Variants in CSMD1 observed in about 807,000 individuals in gnomAD.
CSMD1 encodes the protein CUB and sushi domain-containing protein 1.
CSMD1 carries 213 observed loss-of-function variants against 417.5 expected under a neutral mutation model. That is an observed-to-expected ratio of 0.51 (90% CI 0.46 to 0.57). The LOEUF is 0.57. Ranked by LOEUF, CSMD1 falls within the 20% of genes least tolerant of loss-of-function variation. The pLI is 0.00. For missense variants in CSMD1, 6,923 were observed against 4,529.7 expected, an observed-to-expected ratio of 1.53 and a Z score of -15.17; for synonymous variants, 2,862 against 1,736.8, an observed-to-expected ratio of 1.65 and a Z score of -16.11.
At chr8:4,193,032 T>C (rs1045476302) in intron 3 of CSMD1, among the ~76,000 whole-genome samples, 1 of 152,230 alleles carries the variant, frequency 6.6e-6, no homozygotes, top group African/African-American at 2.4e-5. Context: ...TCTTGGAATA[T>C]CTTAAGTTAA....
intron 3 of CSMD1, among the ~76,000 whole-genome samples, chr8:4,364,487 G>C (rs916801085): frequency 1.3e-5 from 2 of 152,068 alleles, no homozygotes; most frequent in African/African-American, 2.4e-5. Flanking sequence ...TTCCTCTCTT[G>C]CTTTCTAGAA....
At chr8:3,770,270 G>A (rs189137940) in intron 5 of CSMD1, among the ~76,000 whole-genome samples, 1 of 152,168 alleles carries the variant, frequency 6.6e-6, no homozygotes, top group African/African-American at 2.4e-5. Flanking sequence ...TCTCATGCCT[G>A]TAATCCCAAC....
chr8:3,359,168 A>C lies in CSMD1; in HGVS notation c.3288T>G (p.Pro1096=). Reference sequence around the variant, plus strand: ...ACCACCTACCCACACACCTTGGCAGAGGTGCACTCCACACACGGCGGCCCC... The same window carrying C: ...ACCACCTACCCACACACCTTGGCAGCGGTGCACTCCACACACGGCGGCCCC... ...LGGGRRVWSA[P]LPRCVAECGA... The change falls in exon 21 of 70, where the codon CCT becomes CCG. Residue 1096 remains proline (P), a synonymous_variant. Coordinates refer to ENST00000635120, the MANE Select transcript of CSMD1 (RefSeq NM_033225.6). 2 of 1,614,032 alleles carry C rather than the reference A, an allele frequency of 1.2e-6. No homozygotes were observed. Among genetic ancestry groups the C allele is most frequent in the Non-Finnish European group, 8.5e-7 (1 of 1,179,946 alleles).
chr8:4,545,062 A>T (rs1797570897), intron 2 of CSMD1, among the ~76,000 whole-genome samples: 1 of 152,208 alleles, frequency 6.6e-6, no homozygotes, highest in South Asian at 2.1e-4. Context: ...GTGTGTGTGC[A>T]CACATATGTG....
At chr8:4,692,625 G>T (rs77483726) in intron 1 of CSMD1, among the ~76,000 whole-genome samples, 4 of 152,162 alleles carry the variant, frequency 2.6e-5, no homozygotes, top group Non-Finnish European at 5.9e-5. Flanking sequence ...TGTGGGGTCC[G>T]TGAGGCTGCA....
intron 5 of CSMD1, among the ~76,000 whole-genome samples, chr8:3,877,128 G>A (rs767426044): frequency 7.2e-5 from 11 of 152,148 alleles, no homozygotes; most frequent in Non-Finnish European, 7.4e-5. Flanking sequence ...TGAAGCAGGC[G>A]AATTTTGCAC....
At chr8:4,230,326 T>C (rs779877695) in intron 3 of CSMD1, among the ~76,000 whole-genome samples, 7 of 152,310 alleles carry the variant, frequency 4.6e-5, no homozygotes, top group South Asian at 4.1e-4. Flanking sequence ...AATTAATCCA[T>C]CCATTGCATA....
In CSMD1 at chr8:3,236,008, T is replaced by G. The variant is rs1314956520; in HGVS notation, c.4154-5777A>C. On this transcript the variant is annotated intron_variant, in intron 26 of 69. Coordinates refer to ENST00000635120, the MANE Select transcript of CSMD1 (RefSeq NM_033225.6). ...TCTCGGCTCACTGCAAGCTCCGCCT[T>G]CCGGGTTCACGCCATTCTCCTTCCT... 3.4e-5 allele frequency among the ~76,000 whole-genome samples: 5 copies of G among 145,254 alleles called. No individual in the cohort carries two copies. In the East Asian group the frequency reaches 1.0e-3, roughly 30 times the overall value.
At chr8:4,134,034 T>C (rs1023170367) in intron 3 of CSMD1, among the ~76,000 whole-genome samples, 1 of 152,212 alleles carries the variant, frequency 6.6e-6, no homozygotes, top group Non-Finnish European at 1.5e-5. Context: ...TTTTTAAACA[T>C]TTAAATGAGA....
chr8:3,550,278 C>A (rs1585347587), intron 10 of CSMD1, among the ~76,000 whole-genome samples: 2 of 152,152 alleles, frequency 1.3e-5, no homozygotes, highest in African/African-American at 4.8e-5. Context: ...ACTATGGCTG[C>A]CCTCTCCTGT....
intron 23 of CSMD1, among the ~76,000 whole-genome samples, chr8:3,312,990 A>G (rs542898145): frequency 5.3e-4 from 81 of 152,334 alleles, no homozygotes; most frequent in African/African-American, 1.8e-3. Flanking sequence ...TAAAAATGTC[A>G]ACACTGTTTT....
intron 3 of CSMD1, among the ~76,000 whole-genome samples, chr8:4,140,700 C>T (rs536039308): frequency 1.3e-5 from 2 of 150,888 alleles, no homozygotes; most frequent in African/African-American, 2.5e-5. Flanking sequence ...GTAGAAAACC[C>T]ATGGATGGTG....
chr8:3,387,755 C>G, intron 17 of CSMD1, 73 bp from the exon 18 acceptor site: 1 of 1,207,590 alleles, frequency 8.3e-7, no homozygotes, highest in South Asian at 1.5e-5. Flanking sequence ...CCCACGCCAT[C>G]AACTACGAAA....
At chr8:3,656,609 T>C (rs968377714) in intron 7 of CSMD1, among the ~76,000 whole-genome samples, 2 of 152,194 alleles carry the variant, frequency 1.3e-5, no homozygotes, top group Non-Finnish European at 2.9e-5. Context: ...CCTTTCTTCC[T>C]TGCTGGTGCA....
chr8:4,554,648 C>T (rs1328330286), intron 2 of CSMD1, among the ~76,000 whole-genome samples: 1 of 152,102 alleles, frequency 6.6e-6, no homozygotes, highest in African/African-American at 2.4e-5. Context: ...TTGCCATAGG[C>T]AACATTTACC....
At chr8:3,180,994 T>C (rs1167091534) in intron 37 of CSMD1, 116 bp downstream of exon 37, 1 of 703,636 alleles carries the variant, frequency 1.4e-6, no homozygotes, top group Non-Finnish European at 2.4e-6. Context: ...ATGCAAGTCT[T>C]TCACAGTTTT....
chr8:3,505,661 T>C (rs1309063844), intron 10 of CSMD1, among the ~76,000 whole-genome samples: 1 of 152,214 alleles, frequency 6.6e-6, no homozygotes, highest in East Asian at 1.9e-4. Flanking sequence ...TTGTCTTTTT[T>C]TGGTAGCATA....
At position 4,150,111 on chromosome 8, in the gene CSMD1, T is replaced by G. The variant is rs575053811; in HGVS notation, c.416-118012A>C. Among the ~76,000 whole-genome samples, 4 of 152,224 alleles carry G rather than the reference T, an allele frequency of 2.6e-5. No homozygotes were observed. In the South Asian group the frequency reaches 6.2e-4, roughly 24 times the overall value. ...TCGTTTGTTTTTTAAGGGAGTGTAT[T>G]TTCCACATTGTGTATTTTAAGGAAT... On this transcript the variant is annotated intron_variant, in intron 3 of 69. Coordinates refer to ENST00000635120, the MANE Select transcript of CSMD1 (RefSeq NM_033225.6).
At chr8:4,220,827 C>T (rs1264205995) in intron 3 of CSMD1, among the ~76,000 whole-genome samples, 1 of 152,136 alleles carries the variant, frequency 6.6e-6, no homozygotes, top group Non-Finnish European at 1.5e-5. Context: ...CACCATGGGG[C>T]TGAGTGAGAA....
Sources: allele counts gnomAD v4.1 joint callset (sites outside exome capture counted in the v4.1 genomes callset), GRCh38; gene constraint gnomAD v4.1.1; transcripts MANE v1.5; gene names NCBI Gene and HGNC (gene_info 2026-07-23, HGNC 2026-07-21).